CD36: variants seen among roughly 807,000 people sequenced by gnomAD.
CD36 encodes the protein CD36 molecule (CD36 blood group).
In CD36, 119 loss-of-function variants were observed where a neutral mutation model predicts 55.2. The observed-to-expected ratio is 2.15, with a 90% confidence interval of 1.86 to 2.51. The LOEUF (loss-of-function observed/expected upper bound fraction) is 2.51, where lower values mean the gene tolerates loss of function less well. Among genes scored for constraint, CD36 ranks in the 30% most tolerant of loss-of-function variants. The pLI, the probability that CD36 is intolerant of heterozygous loss-of-function variation, is 0.00. For missense variants in CD36, 819 were observed against 555.5 expected, an observed-to-expected ratio of 1.47 and a Z score of -4.77; for synonymous variants, 186 against 193.6, an observed-to-expected ratio of 0.96 and a Z score of 0.33.
chr7:80,603,181 T>C (rs1307184236), intron 1 of CD36, among the ~76,000 whole-genome samples: 3 of 152,138 alleles, frequency 2.0e-5, no homozygotes, highest in Non-Finnish European at 4.4e-5. Flanking sequence ...TCGTTACTTA[T>C]ACAGAAAGTC....
intron 1 of CD36, among the ~76,000 whole-genome samples, chr7:80,611,863 G>A (rs375400216): frequency 2.6e-4 from 39 of 152,320 alleles, no homozygotes; most frequent in Middle Eastern, 6.8e-3. Flanking sequence ...AGAAGGGAAT[G>A]TGTAGTATCT....
At chr7:80,615,098 C>T (rs971232391) in intron 1 of CD36, among the ~76,000 whole-genome samples, 2 of 152,078 alleles carry the variant, frequency 1.3e-5, no homozygotes, top group African/African-American at 4.8e-5. Flanking sequence ...AGCACATTCC[C>T]GTTAATCCAA....
At chr7:80,667,778 T>G (rs1294503433) in intron 8 of CD36, among the ~76,000 whole-genome samples, 9 of 119,806 alleles carry the variant, frequency 7.5e-5, no homozygotes, top group Admixed American at 2.7e-4. Context: ...TGAGACATAG[T>G]CTGGCTCTGT....
chr7:80,672,053 CT>C lies in CD36; in HGVS notation c.1125+15del. On this transcript the variant is annotated intron_variant, in intron 11 of 14. Transcript: ENST00000447544. ...GGATATTGAACCTGTAAGAAAACAC[CT>C]TATTGATCTGATTTGGTTGATATTT... The C allele has an allele frequency of 6.3e-7, 1 of 1,589,278 alleles. No individual in the cohort carries two copies. Among genetic ancestry groups the C allele is most frequent in the South Asian group, 1.1e-5 (1 of 90,332 alleles).
Position 80,660,226 on chromosome 7 carries a change from G to A in CD36, c.282-837G>A, listed in dbSNP as rs3211887. On this transcript the variant is annotated intron_variant, in intron 4 of 14. Transcript: ENST00000447544. ...TTTCCTGTAATAATCACCCTTCACC[G>A]CGTTCCTAAAATGTAGTTGGTACTT... Among the ~76,000 whole-genome samples, 411 of 152,042 alleles carry A rather than the reference G, an allele frequency of 2.7e-3. 2 individuals are homozygous for A. Among genetic ancestry groups the A allele is most frequent in the African/African-American group, 9.1e-3 (378 of 41,456 alleles).
chr7:80,644,042 T>C (rs3212161), intron 1 of CD36, among the ~76,000 whole-genome samples: 94,285 of 151,998 alleles, frequency 0.62, 29,268 homozygotes, highest in East Asian at 0.66. Context: ...TGGCGATTAC[T>C]GTGGTTGCTT....
At chr7:80,632,536 T>G (rs1365514353) in intron 1 of CD36, among the ~76,000 whole-genome samples, 2 of 152,050 alleles carry the variant, frequency 1.3e-5, no homozygotes, top group East Asian at 3.9e-4. Flanking sequence ...TCAATATAAT[T>G]TTTTAAAAGA....
At chr7:80,640,088 ATAATTCTGTAACTATCAGATACT>A (rs1478230503) in intron 1 of CD36, among the ~76,000 whole-genome samples, 3 of 152,030 alleles carry the variant, frequency 2.0e-5, no homozygotes, top group Non-Finnish European at 2.9e-5. Context: ...AAAGTTTAAG[ATAATTCTGTAACTATCAGATACT>A]TAATTCTGTA....
At chr7:80,646,517 T>C in intron 2 of CD36, 135 bp from the exon 3 acceptor site, 1 of 549,642 alleles carries the variant, frequency 1.8e-6, no homozygotes, top group Non-Finnish European at 3.2e-6. Context: ...GAAGCCACTT[T>C]GGTGAAACAA....
chr7:80,604,669 C>T (rs906351346), intron 1 of CD36, among the ~76,000 whole-genome samples: 8 of 151,776 alleles, frequency 5.3e-5, no homozygotes, highest in Non-Finnish European at 1.2e-4. Context: ...CCAAGGACTC[C>T]AGACTGTGCT....
intron 3 of CD36, among the ~76,000 whole-genome samples, chr7:80,649,137 A>G (rs996917000): frequency 6.6e-6 from 1 of 152,114 alleles, no homozygotes; most frequent in Non-Finnish European, 1.5e-5. Context: ...TTTCCTATAT[A>G]CTAGTTCACT....
chr7:80,613,343 A>G (rs934680631), intron 1 of CD36, among the ~76,000 whole-genome samples: 9 of 152,078 alleles, frequency 5.9e-5, no homozygotes, highest in African/African-American at 2.2e-4. Flanking sequence ...AGGCAATACA[A>G]GAGAAATAGT....
intron 1 of CD36, among the ~76,000 whole-genome samples, chr7:80,606,865 C>T (rs1792580701): frequency 6.6e-6 from 1 of 152,108 alleles, no homozygotes; most frequent in Non-Finnish European, 1.5e-5. Context: ...ACAGGCATCA[C>T]CCATTTTCTT....
At chr7:80,659,764 T>G (rs1208249330) in intron 4 of CD36, among the ~76,000 whole-genome samples, 5 of 152,210 alleles carry the variant, frequency 3.3e-5, no homozygotes, top group Non-Finnish European at 7.3e-5. Context: ...TACTTTGATT[T>G]GAAATATTAG....
rs1797514661 is a variant in CD36, at chr7:80,670,108, A to G, written c.818+86A>G. ...CCAAGAAACTTAAACACAGCATAGG[A>G]AATTCATCATGTTTATTAACTAACT... On this transcript the variant is annotated intron_variant, in intron 9 of 14. Transcript: ENST00000447544. 4.8e-6 allele frequency: 4 copies of G among 826,942 alleles called. No homozygotes were observed. In the Admixed American group the frequency reaches 6.9e-5, roughly 14 times the overall value. 51.2% of individuals were successfully genotyped at this position (826,942 alleles called of 1,614,324 possible). A position where few individuals can be genotyped will look rare whatever the true frequency, so the allele number is the denominator to read the frequency against.
At chr7:80,672,460 A>T (rs1797786564) in intron 11 of CD36, among the ~76,000 whole-genome samples, 1 of 151,862 alleles carries the variant, frequency 6.6e-6, no homozygotes, top group African/African-American at 2.4e-5. Flanking sequence ...CTAACTGAAT[A>T]TATATTTGAC....
upstream of CD36, among the ~76,000 whole-genome samples, chr7:80,635,375 A>T (rs951318056): frequency 1.3e-5 from 2 of 152,004 alleles, no homozygotes; most frequent in African/African-American, 4.8e-5. Flanking sequence ...CCCAGGTTCA[A>T]GCGATTTTCC....
intron 1 of CD36, among the ~76,000 whole-genome samples, chr7:80,630,498 TAAGAG>T (rs1316994413): frequency 2.0e-5 from 3 of 151,982 alleles, no homozygotes; most frequent in Non-Finnish European, 4.4e-5. Flanking sequence ...AAGAAAAAAT[TAAGAG>T]AAAAGTCTAT....
Position 80,646,816 on chromosome 7 carries a change from C to T in CD36, c.76C>T (p.Leu26=), listed in dbSNP as rs1795204080. ...GAVLAVFGGI[L]MPVGDLLIQK... ...TGTCCTGGCTGTGTTTGGAGGTATTCTAATGCCAGTTGGAGACCTGCTTAT... is the reference window on the plus strand; with the variant it reads ...TGTCCTGGCTGTGTTTGGAGGTATTTTAATGCCAGTTGGAGACCTGCTTAT... Residue 26 remains leucine, a synonymous_variant, in exon 3 of 15, where the codon CTA becomes TTA. Coordinates refer to ENST00000447544, the MANE Select transcript of CD36 (RefSeq NM_001001548.3). 5 of 1,613,836 alleles carry T rather than the reference C, an allele frequency of 3.1e-6. No individual in the cohort carries two copies. Among genetic ancestry groups the T allele is most frequent in the South Asian group, 1.1e-5 (1 of 91,090 alleles).
Sources: allele counts gnomAD v4.1 joint callset (sites outside exome capture counted in the v4.1 genomes callset), GRCh38; gene constraint gnomAD v4.1.1; transcripts MANE v1.5; gene names NCBI Gene and HGNC (gene_info 2026-07-23, HGNC 2026-07-21).